Variants in ALMS1 observed in about 807,000 individuals in gnomAD.
ALMS1 encodes the protein centrosome-associated protein ALMS1.
Under a neutral mutation model 352.2 loss-of-function variants are expected in ALMS1, and 271 were observed. The ratio of observed to expected loss-of-function variants is 0.77; its 90% confidence interval spans 0.70 to 0.85. The LOEUF (loss-of-function observed/expected upper bound fraction) is 0.85. ALMS1 is among the 40% of genes least tolerant of loss of function. The pLI is 0.00. For missense variants in ALMS1, 5,445 were observed against 4,870.7 expected (o/e 1.12, Z -3.51); for synonymous variants, 1,865 against 1,761.2 (o/e 1.06, Z -1.48).
chr2:73,511,570 C>T (rs1466210435), intron 10 of ALMS1, among the ~76,000 whole-genome samples: 3 of 152,102 alleles, frequency 2.0e-5, no homozygotes, highest in African/African-American at 4.8e-5. Context: ...CTGCCTTCTG[C>T]GTTGGTCTTG....
At chr2:73,575,440 A>C (rs2104113873) in intron 16 of ALMS1, among the ~76,000 whole-genome samples, 1 of 152,316 alleles carries the variant, frequency 6.6e-6, no homozygotes, top group East Asian at 1.9e-4. Context: ...TCGCACCAGC[A>C]GTTCACAAGG....
intron 10 of ALMS1, among the ~76,000 whole-genome samples, chr2:73,518,336 T>A (rs1281811291): frequency 6.6e-6 from 1 of 152,220 alleles, no homozygotes; most frequent in African/African-American, 2.4e-5. Context: ...ATGGTGTAAG[T>A]GTACCACATT....
chr2:73,521,580 C>CAAAAAAAAAAAA (rs565126393), intron 11 of ALMS1, among the ~76,000 whole-genome samples: 1 of 94,866 alleles, frequency 1.1e-5, no homozygotes, highest in African/African-American at 3.4e-5. Context: ...ACTAAAAATA[C>CAAAAAAAAAAAA]AAAAAAAAAA....
intron 10 of ALMS1, among the ~76,000 whole-genome samples, chr2:73,513,133 G>A (rs914050003): frequency 6.6e-5 from 10 of 151,926 alleles, no homozygotes; most frequent in African/African-American, 2.2e-4. Context: ...TGACCCTAAC[G>A]CTCCACTTGG....
intron 16 of ALMS1, among the ~76,000 whole-genome samples, chr2:73,592,982 A>G (rs1573046919): frequency 6.6e-6 from 1 of 152,196 alleles, no homozygotes; most frequent in East Asian, 1.9e-4. Context: ...TGTGTACAAG[A>G]GAAAGCCTAA....
rs1231406875 is a variant in ALMS1 at position 73,557,349 on chromosome 2, C to G, written c.10208C>G (p.Thr3403Ser). 2.5e-6 allele frequency: 4 copies of G among 1,614,088 alleles called. No homozygotes were observed. The highest frequency in any genetic ancestry group is 3.4e-6 in the Non-Finnish European group (4 of 1,179,974). ...GAAAAAGAATCTTTGCAGAAAGATACTGCAGGTAGCTAAACTGGATTGTCT... is the reference window on the plus strand; with the variant it reads ...GAAAAAGAATCTTTGCAGAAAGATAGTGCAGGTAGCTAAACTGGATTGTCT... The part of the protein sequence containing the change: ...AKEKESLQKD[T>S]ADSSAAAAAE... The change falls in exon 14 of 23, where the codon ACT (threonine) becomes AGT (serine). Residue 3403 changes from threonine (T) to serine (S), a missense_variant. Physicochemically the swap from Thr to Ser is moderately conservative, Grantham distance 58. Transcript: ENST00000613296.
At chr2:73,557,803 A>G (rs1277571078) in intron 14 of ALMS1, among the ~76,000 whole-genome samples, 1 of 152,246 alleles carries the variant, frequency 6.6e-6, no homozygotes, top group African/African-American at 2.4e-5. Flanking sequence ...TAGTGTATTT[A>G]CGTTAGGATT....
At chr2:73,584,205 TC>T (rs1675260208) in intron 16 of ALMS1, among the ~76,000 whole-genome samples, 1 of 152,174 alleles carries the variant, frequency 6.6e-6, no homozygotes. Context: ...CACATAATTT[TC>T]CCCAACTAAC....
chr2:73,485,385 T>C (rs1455112845), intron 9 of ALMS1, among the ~76,000 whole-genome samples: 3 of 152,194 alleles, frequency 2.0e-5, no homozygotes, highest in Non-Finnish European at 4.4e-5. Flanking sequence ...GTTAGGCTGC[T>C]CAGGGGTCAG....
chr2:73,485,028 C>T (rs1433616156), intron 9 of ALMS1, among the ~76,000 whole-genome samples: 1 of 152,102 alleles, frequency 6.6e-6, no homozygotes, highest in Non-Finnish European at 1.5e-5. Flanking sequence ...GAATGTCCTC[C>T]CGTAGCTCAG....
chr2:73,588,846 A>C (rs1675362403), intron 16 of ALMS1, among the ~76,000 whole-genome samples: 1 of 152,200 alleles, frequency 6.6e-6, no homozygotes, highest in Non-Finnish European at 1.5e-5. Flanking sequence ...TATTTTTGTA[A>C]AATGGAGTTC....
Position 73,451,533 on chromosome 2 carries a change from G to A in ALMS1, c.5006G>A (p.Gly1669Glu), listed in dbSNP as rs267599447. 6.2e-7 allele frequency: 1 copy of A among 1,612,950 alleles called. No individual in the cohort carries two copies. The highest frequency in any genetic ancestry group is 1.7e-5 in the Admixed American group (1 of 59,958). ...CATTCTACTAGCTACTCAAATAGGGGGAAGCCTGTCATTTTCTACCAGCAG... is the reference window on the plus strand; with the variant it reads ...CATTCTACTAGCTACTCAAATAGGGAGAAGCCTGTCATTTTCTACCAGCAG... ...PVHSTSYSNR[G>E]KPVIFYQQTL... Residue 1669 changes from glycine (G) to glutamate (E), a missense_variant, in exon 8 of 23, where the codon GGG becomes GAG. Gly to Glu is a moderately conservative substitution (Grantham distance 98, BLOSUM62 -2). Coordinates refer to ENST00000613296, the MANE Select transcript of ALMS1 (RefSeq NM_001378454.1).
chr2:73,439,383 G>A (rs960528511), intron 7 of ALMS1, among the ~76,000 whole-genome samples: 1 of 151,924 alleles, frequency 6.6e-6, no homozygotes, highest in East Asian at 1.9e-4. Flanking sequence ...ACTTCACAAA[G>A]TGCTGAGATT....
chr2:73,555,242 A>G (rs1674519558), intron 13 of ALMS1, among the ~76,000 whole-genome samples: 1 of 152,220 alleles, frequency 6.6e-6, no homozygotes, highest in Non-Finnish European at 1.5e-5. Context: ...TAGCTTATTT[A>G]AGACATCATT....
intron 16 of ALMS1, among the ~76,000 whole-genome samples, chr2:73,592,552 T>C (rs529075635): frequency 3.9e-5 from 6 of 152,326 alleles, no homozygotes; most frequent in Admixed American, 6.5e-5. Context: ...TGAGTGATTA[T>C]AAATGAATTA....
chr2:73,518,486 A>T (rs914172197), intron 10 of ALMS1, among the ~76,000 whole-genome samples: 1 of 152,166 alleles, frequency 6.6e-6, no homozygotes, highest in Admixed American at 6.5e-5. Flanking sequence ...GTACACAGCA[A>T]TGGATTGCTG....
At chr2:73,608,788 C>T (rs1675875074) in intron 22 of ALMS1, among the ~76,000 whole-genome samples, 1 of 152,164 alleles carries the variant, frequency 6.6e-6, no homozygotes, top group African/African-American at 2.4e-5. Flanking sequence ...GGTGTAAGGC[C>T]CTTTCCATGC....
At chr2:73,405,977 G>C (rs1286408795) in intron 1 of ALMS1, among the ~76,000 whole-genome samples, 1 of 152,166 alleles carries the variant, frequency 6.6e-6, no homozygotes, top group African/African-American at 2.4e-5. Context: ...ACGTGCACTT[G>C]AGAAGAATGT....
chr2:73,546,861 A>G (rs1248189473), intron 12 of ALMS1, among the ~76,000 whole-genome samples: 1 of 152,220 alleles, frequency 6.6e-6, no homozygotes, highest in Non-Finnish European at 1.5e-5. Context: ...GTAGTGATTC[A>G]TGAATCAGGC....
Sources: gnomAD v4.1 joint callset for allele counts (sites outside exome capture counted in the v4.1 genomes callset) on GRCh38, gnomAD v4.1.1 for gene constraint, MANE v1.5 for transcripts, NCBI Gene and HGNC (gene_info 2026-07-23, HGNC 2026-07-21) for gene names.